The following ADAMTS12 variants were observed in gnomAD, a reference collection of about 807,000 sequenced individuals.
The protein encoded by ADAMTS12 is A disintegrin and metalloproteinase with thrombospondin motifs 12.
In ADAMTS12, 118 loss-of-function variants were observed where a neutral mutation model predicts 167.8. The ratio of observed to expected loss-of-function variants is 0.70; its 90% CI spans 0.61 to 0.82. The LOEUF is 0.82. ADAMTS12 is among the 40% of genes least tolerant of loss of function. The pLI is 0.00. For synonymous variants in ADAMTS12, 704 were observed against 716.9 expected (o/e 0.98, Z 0.29); for missense variants, 1,916 against 1,998.8 (o/e 0.96, Z 0.79).
intron 20 of ADAMTS12, among the ~76,000 whole-genome samples, chr5:33,555,065 T>TA (rs1201152183): frequency 6.6e-6 from 1 of 152,150 alleles, no homozygotes; most frequent in Non-Finnish European, 1.5e-5. Flanking sequence ...ACTGAAGTAA[T>TA]AAAGGGGTTG....
chr5:33,885,671 T>C (rs1750610119), intron 1 of ADAMTS12, among the ~76,000 whole-genome samples: 1 of 152,210 alleles, frequency 6.6e-6, no homozygotes, highest in South Asian at 2.1e-4. Context: ...TCACTCCCGA[T>C]GCCCTGCTCA....
intron 16 of ADAMTS12, among the ~76,000 whole-genome samples, chr5:33,599,278 C>T (rs925678768): frequency 1.3e-5 from 2 of 152,236 alleles, no homozygotes; most frequent in African/African-American, 2.4e-5. Context: ...GGAAAGAACA[C>T]TCAATAAATG....
chr5:33,649,477 C>T, intron 8 of ADAMTS12, 77 bp downstream of exon 8: 1 of 1,536,752 alleles, frequency 6.5e-7, no homozygotes, highest in East Asian at 2.3e-5. Flanking sequence ...CAGGCATCAG[C>T]TTCTCTGTGT....
chr5:33,878,575 C>T (rs1229085163), intron 2 of ADAMTS12, among the ~76,000 whole-genome samples: 1 of 152,174 alleles, frequency 6.6e-6, no homozygotes, highest in Non-Finnish European at 1.5e-5. Context: ...CCTTAGAAAG[C>T]ACAAGATGAA....
At chr5:33,799,201 C>G (rs1433685097) in intron 2 of ADAMTS12, among the ~76,000 whole-genome samples, 1 of 152,212 alleles carries the variant, frequency 6.6e-6, no homozygotes, top group Admixed American at 6.5e-5. Context: ...AGTCAATGTC[C>G]TGTTCATTAA....
At chr5:33,837,229 G>A (rs1208492507) in intron 2 of ADAMTS12, among the ~76,000 whole-genome samples, 1 of 152,212 alleles carries the variant, frequency 6.6e-6, no homozygotes, top group Non-Finnish European at 1.5e-5. Flanking sequence ...GACAGGACTT[G>A]AAATGTATTA....
chr5:33,882,513 A>G (rs1305651720), intron 1 of ADAMTS12, among the ~76,000 whole-genome samples: 1 of 152,178 alleles, frequency 6.6e-6, no homozygotes, highest in Non-Finnish European at 1.5e-5. Flanking sequence ...GTTTGAGAAT[A>G]ACAAAGGATC....
chr5:33,630,453 G>A (rs1475724259), intron 13 of ADAMTS12, among the ~76,000 whole-genome samples: 4 of 152,130 alleles, frequency 2.6e-5, no homozygotes, highest in African/African-American at 9.7e-5. Context: ...ATTAATTTCA[G>A]TTTTTCTCAA....
chr5:33,794,245 C>T (rs1326666767), intron 2 of ADAMTS12, among the ~76,000 whole-genome samples: 1 of 152,206 alleles, frequency 6.6e-6, no homozygotes, highest in African/African-American at 2.4e-5. Context: ...TTCCCACTTC[C>T]GCAGCTGGGG....
intron 2 of ADAMTS12, among the ~76,000 whole-genome samples, chr5:33,843,000 G>A (rs992476382): frequency 6.6e-6 from 1 of 152,184 alleles, no homozygotes; most frequent in Admixed American, 6.5e-5. Context: ...GGCACTCACA[G>A]TCTAAATCCC....
chr5:33,868,160 C>T (rs1378791507), intron 2 of ADAMTS12, among the ~76,000 whole-genome samples: 2 of 152,136 alleles, frequency 1.3e-5, no homozygotes, highest in African/African-American at 4.8e-5. Flanking sequence ...ATTACCTAGT[C>T]ACAGGTAGTT....
At chr5:33,736,697 C>T (rs1744387939) in intron 3 of ADAMTS12, among the ~76,000 whole-genome samples, 1 of 152,212 alleles carries the variant, frequency 6.6e-6, no homozygotes. Flanking sequence ...GTTGTCCTTT[C>T]ACTCACACAC....
intron 20 of ADAMTS12, among the ~76,000 whole-genome samples, chr5:33,552,384 G>A (rs1191489745): frequency 3.3e-5 from 5 of 152,090 alleles, no homozygotes; most frequent in Non-Finnish European, 7.4e-5. Flanking sequence ...TTCTCCATTG[G>A]TATTCAAAAG....
intron 2 of ADAMTS12, among the ~76,000 whole-genome samples, chr5:33,769,381 G>A (rs1014800927): frequency 2.0e-5 from 3 of 152,154 alleles, no homozygotes; most frequent in Admixed American, 6.5e-5. Context: ...AACCAGAATT[G>A]GGTGCCAGCT....
rs528305595 is a variant in ADAMTS12, at chr5:33,531,663, C to T, written c.4606+3170G>A. ...GATCACATGAATAGGTCTTCTCTGC[C>T]CAGAACATCTTCTTTTTCTCAACAC... is the stretch of plus-strand genomic sequence containing the variant. On this transcript the variant is annotated intron_variant, in intron 23 of 23. Transcript: ENST00000504830. 7.2e-5 allele frequency among the ~76,000 whole-genome samples: 11 copies of T among 152,204 alleles called. No homozygotes were observed. In the East Asian group the frequency reaches 7.7e-4, roughly 11 times the overall value.
chr5:33,888,981 C>A (rs138653962), intron 1 of ADAMTS12, among the ~76,000 whole-genome samples: 1 of 152,188 alleles, frequency 6.6e-6, no homozygotes, highest in African/African-American at 2.4e-5. Context: ...CCTGACTTAG[C>A]CCAACTCTTA....
At chr5:33,764,357 T>C (rs1745458689) in intron 2 of ADAMTS12, among the ~76,000 whole-genome samples, 1 of 152,262 alleles carries the variant, frequency 6.6e-6, no homozygotes, top group Non-Finnish European at 1.5e-5. Flanking sequence ...TATCCTTAGA[T>C]TGGATGACAT....
Position 33,588,767 on chromosome 5 carries a change from C to T in ADAMTS12, c.2697G>A (p.Gly899=). Residue 899 remains glycine (G), a synonymous_variant, in exon 18 of 24, where the codon GGG becomes GGA. Transcript: ENST00000504830. The stretch of plus-strand genomic sequence containing the variant: ...CGGTTCGCTTCTTCTCCCCGTGGGG[C>T]CCGCATGTCGCCGAGCATGCTTCCC... ...GEWEACSATC[G]PHGEKKRTVL... 1 of 1,613,956 alleles carries T rather than the reference C, an allele frequency of 6.2e-7. No homozygotes were observed. The highest frequency in any genetic ancestry group is 8.5e-7 in the Non-Finnish European group (1 of 1,180,020).
chr5:33,576,237 C>T lies in ADAMTS12; in HGVS notation c.3789G>A (p.Thr1263=), dbSNP rs749342789. The T allele has an allele frequency of 3.8e-5, 62 of 1,614,026 alleles. No homozygotes were observed. The Admixed American group carries it at 7.3e-4, about 19-fold the overall frequency. The change falls in exon 19 of 24, where the codon ACG becomes ACA. Residue 1263 remains threonine, a synonymous_variant. Coordinates refer to ENST00000504830, the MANE Select transcript of ADAMTS12 (RefSeq NM_030955.4). The stretch of plus-strand genomic sequence containing the variant: ...GAAGTTTCAGGTGGTTACGGTTTGC[C>T]GTCTTTCCTGAGGGTTCTGGCTGGT... ...GDHQPEPSGK[T]ANRNHLKLPN...
Sources: gnomAD v4.1 joint callset for allele counts (sites outside exome capture counted in the v4.1 genomes callset) on GRCh38, gnomAD v4.1.1 for gene constraint, MANE v1.5 for transcripts, NCBI Gene and HGNC (gene_info 2026-07-23, HGNC 2026-07-21) for gene names.